Variants in NCOA1 observed in about 807,000 individuals in gnomAD.
NCOA1 encodes nuclear receptor coactivator 1.
A neutral mutation model predicts 150.9 loss-of-function variants in NCOA1; 35 were observed. The observed-to-expected ratio is 0.23, with a 90% CI of 0.18 to 0.31. The LOEUF (loss-of-function observed/expected upper bound fraction) is 0.31, where lower values mean the gene tolerates loss of function less well. NCOA1 is among the 10% of genes least tolerant of loss of function. The pLI, the probability that NCOA1 is intolerant of heterozygous loss-of-function variation, is 1.00. For missense variants in NCOA1, 1,491 were observed against 1,749.3 expected, an observed-to-expected ratio of 0.85 and a Z score of 2.63; for synonymous variants, 590 against 630.0, an observed-to-expected ratio of 0.94 and a Z score of 0.95.
At chr2:24,711,567 T>G (rs1673750462) in intron 14 of NCOA1, 2 of 152,336 alleles carry the variant, frequency 1.3e-5, no homozygotes, top group African/African-American at 4.8e-5. Flanking sequence ...AAGCCTTGTA[T>G]TAAAGAATGT....
intron 7 of NCOA1, among the ~76,000 whole-genome samples, chr2:24,674,129 G>GTA (rs2148521226): frequency 7.0e-6 from 1 of 142,438 alleles, no homozygotes; most frequent in East Asian, 2.1e-4. Context: ...ATGTATGTGT[G>GTA]TGTGTGTGTG....
chr2:24,728,331 A>T lies in NCOA1; in HGVS notation c.2741A>T (p.Asp914Val), dbSNP rs1662805313. 1 of 1,612,492 alleles carries T rather than the reference A, an allele frequency of 6.2e-7. No individual in the cohort carries two copies. Among genetic ancestry groups the T allele is most frequent in the African/African-American group, 1.3e-5 (1 of 74,886 alleles). ...SEDQCISSQL[D>V]ELLCPPTTVE... ...AGCCAGTGTATTAGCTCACAATTAG[A>T]TGAGCTTCTCTGTCCACCCACAACA... Residue 914 changes from aspartate (D) to valine (V), a missense_variant, in exon 16 of 23, where the codon GAT becomes GTT. Asp to Val is a radical substitution (Grantham distance 152). Coordinates refer to ENST00000348332, the MANE Select transcript of NCOA1 (RefSeq NM_003743.5).
chr2:24,607,149 G>A (rs566144303), intron 3 of NCOA1, among the ~76,000 whole-genome samples: 50 of 151,130 alleles, frequency 3.3e-4, no homozygotes, highest in African/African-American at 1.1e-3. Context: ...CTGAATTTTG[G>A]AGAGTGAATA....
intron 11 of NCOA1, among the ~76,000 whole-genome samples, chr2:24,700,093 A>G (rs2148579421): frequency 6.6e-6 from 1 of 151,730 alleles, no homozygotes. Flanking sequence ...CGGTGAGCCA[A>G]GGTCGCACCA....
Position 24,711,065 on chromosome 2 carries a change from A to G in NCOA1, c.2553A>G (p.Pro851=). 1 of 1,614,070 alleles carries G rather than the reference A, an allele frequency of 6.2e-7. No individual in the cohort carries two copies. Among genetic ancestry groups the G allele is most frequent in the East Asian group, 2.2e-5 (1 of 44,898 alleles). ...TSVTIKSEIL[P]ASLQSATARP... is the part of the protein sequence containing the mutation. Reference sequence around the variant, plus strand: ...TAACCATCAAATCGGAGATCCTGCCAGCTTCACTTCAGTCCGCCACTGCCA... The same window carrying G: ...TAACCATCAAATCGGAGATCCTGCCGGCTTCACTTCAGTCCGCCACTGCCA... Residue 851 remains proline, a synonymous_variant, in exon 14 of 23, where the codon CCA becomes CCG. Transcript: ENST00000348332.
intron 1 of NCOA1, among the ~76,000 whole-genome samples, chr2:24,560,844 A>G (rs1299072941): frequency 6.6e-6 from 1 of 152,206 alleles, no homozygotes. Flanking sequence ...AAGGAAGCTC[A>G]TATTTATTAA....
At chr2:24,751,307 G>C (rs1186393577) in intron 19 of NCOA1, among the ~76,000 whole-genome samples, 1 of 151,026 alleles carries the variant, frequency 6.6e-6, no homozygotes, top group Non-Finnish European at 1.5e-5. Context: ...TTACAGCCGG[G>C]CGCGGTGGCT....
At chr2:24,499,831 C>G (rs1425458904) in intron 1 of NCOA1, among the ~76,000 whole-genome samples, 3 of 152,128 alleles carry the variant, frequency 2.0e-5, no homozygotes, top group Non-Finnish European at 2.9e-5. Flanking sequence ...TGACTGATGC[C>G]CCTAGCCAAC....
chr2:24,739,425 T>C lies in NCOA1; in HGVS notation c.3202-7T>C, dbSNP rs1663493738. On this transcript the variant is annotated splice_region_variant and splice_polypyrimidine_tract_variant and intron_variant, in intron 17 of 22. Transcript: ENST00000348332. Reference sequence around the variant, plus strand: ...AAATATATCTTATTGTTTCCATTTTTCTCTAGTTGATACACCAAAATCGGC... The same window carrying C: ...AAATATATCTTATTGTTTCCATTTTCCTCTAGTTGATACACCAAAATCGGC... The C allele has an allele frequency of 6.3e-7, 1 of 1,597,908 alleles. No homozygotes were observed. The highest frequency in any genetic ancestry group is 1.3e-5 in the African/African-American group (1 of 74,550).
At chr2:24,699,556 T>A (rs1673054825) in intron 11 of NCOA1, among the ~76,000 whole-genome samples, 1 of 152,118 alleles carries the variant, frequency 6.6e-6, no homozygotes, top group Admixed American at 6.5e-5. Flanking sequence ...CTCATTCTAC[T>A]TTTTTTAGGG....
At position 24,595,715 on chromosome 2, in the gene NCOA1, C is replaced by G. The variant is rs78624867; in HGVS notation, c.-175+11155C>G. Among the ~76,000 whole-genome samples the G allele has an allele frequency of 4.7e-4, 71 of 151,978 alleles. 4 individuals are homozygous for G. The East Asian group carries it at 0.013, about 29-fold the overall frequency. On this transcript the variant is annotated intron_variant, in intron 3 of 22. Transcript: ENST00000348332. The stretch of plus-strand genomic sequence containing the variant: ...TGGTGTCCTAATTGTTTTTGGTGTC[C>G]TAATTGTTTTTTAGGGCCTTTTTAG...
chr2:24,526,111 T>C (rs1214174706), intron 1 of NCOA1, among the ~76,000 whole-genome samples: 2 of 152,214 alleles, frequency 1.3e-5, no homozygotes, highest in South Asian at 2.1e-4. Flanking sequence ...TTTCAGACTC[T>C]TTTGGAAATC....
intron 6 of NCOA1, among the ~76,000 whole-genome samples, chr2:24,669,750 A>G (rs867249395): frequency 1.3e-5 from 2 of 152,274 alleles, no homozygotes; most frequent in Non-Finnish European, 2.9e-5. Context: ...GCCAACAAGC[A>G]CATGAAAAAG....
intron 3 of NCOA1, among the ~76,000 whole-genome samples, chr2:24,601,796 C>A (rs1320834399): frequency 6.6e-6 from 1 of 151,960 alleles, no homozygotes; most frequent in African/African-American, 2.4e-5. Flanking sequence ...CCACACCCGG[C>A]TAATTTGTTT....
intron 1 of NCOA1, among the ~76,000 whole-genome samples, chr2:24,561,532 T>C (rs1234117607): frequency 6.6e-6 from 1 of 152,054 alleles, no homozygotes; most frequent in Non-Finnish European, 1.5e-5. Context: ...AAGGACAAGG[T>C]TTCATGAATC....
chr2:24,671,517 T>G (rs748547849), intron 6 of NCOA1, among the ~76,000 whole-genome samples: 6 of 152,092 alleles, frequency 3.9e-5, no homozygotes, highest in Non-Finnish European at 7.4e-5. Context: ...ACAAGCAAAA[T>G]TTAAAAATAA....
intron 2 of NCOA1, among the ~76,000 whole-genome samples, chr2:24,576,535 A>G (rs560199491): frequency 6.6e-6 from 1 of 152,286 alleles, no homozygotes; most frequent in South Asian, 2.1e-4. Flanking sequence ...TCTGACTGGT[A>G]TCTAATATCT....
intron 3 of NCOA1, among the ~76,000 whole-genome samples, chr2:24,598,848 G>T (rs765263385): frequency 6.6e-6 from 1 of 151,956 alleles, no homozygotes; most frequent in Non-Finnish European, 1.5e-5. Flanking sequence ...TGGGGTTTGG[G>T]CTTCTATTGA....
At chr2:24,617,042 C>T (rs541954823) in intron 3 of NCOA1, among the ~76,000 whole-genome samples, 2 of 152,034 alleles carry the variant, frequency 1.3e-5, no homozygotes, top group African/African-American at 4.8e-5. Context: ...AGACACCACC[C>T]CTCAAAAAGA....
Sources: gnomAD v4.1 joint callset for allele counts (sites outside exome capture counted in the v4.1 genomes callset) on GRCh38, gnomAD v4.1.1 for gene constraint, MANE v1.5 for transcripts, NCBI Gene and HGNC (gene_info 2026-07-23, HGNC 2026-07-21) for gene names.